The following FYN variants were observed in gnomAD, a reference collection of about 807,000 sequenced individuals.
The protein encoded by FYN is tyrosine-protein kinase Fyn.
A neutral mutation model predicts 70.2 loss-of-function variants in FYN; 10 were observed. The observed-to-expected ratio is 0.14, with a 90% CI of 0.09 to 0.24. FYN has a LOEUF of 0.24. Among genes scored for constraint, FYN ranks in the 10% least tolerant of loss-of-function variants. FYN has a pLI of 1.00. For missense variants in FYN, 319 were observed against 673.1 expected (o/e 0.47, Z 5.82); for synonymous variants, 236 against 248.6 (o/e 0.95, Z 0.48).
At chr6:111,859,031 A>AT (rs1773893166) in intron 1 of FYN, among the ~76,000 whole-genome samples, 1 of 151,986 alleles carries the variant, frequency 6.6e-6, no homozygotes, top group African/African-American at 2.4e-5. Flanking sequence ...CCACCCCTGC[A>AT]TCAGCATCAT....
intron 2 of FYN, among the ~76,000 whole-genome samples, chr6:111,802,649 G>C (rs1772025787): frequency 6.6e-6 from 1 of 151,830 alleles, no homozygotes; most frequent in African/African-American, 2.4e-5. Flanking sequence ...GGCTGGTCTC[G>C]AACTCCTGAC....
intron 2 of FYN, among the ~76,000 whole-genome samples, chr6:111,831,909 G>A (rs908681208): frequency 6.6e-6 from 1 of 152,136 alleles, no homozygotes; most frequent in African/African-American, 2.4e-5. Flanking sequence ...GAGAGAGGGA[G>A]GAAGAAAGAA....
At chr6:111,787,661 T>C (rs955069402) in intron 2 of FYN, among the ~76,000 whole-genome samples, 2 of 152,210 alleles carry the variant, frequency 1.3e-5, no homozygotes, top group African/African-American at 4.8e-5. Context: ...CTGAATAAAT[T>C]AATGGGTCTC....
At chr6:111,738,951 C>T (rs1384657124) in intron 3 of FYN, among the ~76,000 whole-genome samples, 1 of 152,000 alleles carries the variant, frequency 6.6e-6, no homozygotes, top group Non-Finnish European at 1.5e-5. Flanking sequence ...TCTGTTCTCC[C>T]TAATGAAAGT....
chr6:111,700,204 G>A lies in FYN; in HGVS notation c.762C>T (p.Thr254=), dbSNP rs768403035. The A allele has an allele frequency of 5.6e-6, 9 of 1,613,962 alleles. No individual in the cohort carries two copies. The Admixed American group carries it at 1.3e-4, about 24-fold the overall frequency. Reference sequence around the variant, plus strand: ...CATCTTTGGTTTTGACAGACAGATCGGTAAGCCTTGGCATCCCTTTGTGAC... The same window carrying A: ...CATCTTTGGTTTTGACAGACAGATCAGTAAGCCTTGGCATCCCTTTGTGAC... ...VPCHKGMPRL[T]DLSVKTKDVW... is the part of the protein sequence containing the mutation. Residue 254 remains threonine (T), a synonymous_variant, in exon 9 of 14, where the codon ACC becomes ACT. Transcript: ENST00000354650.
intron 2 of FYN, among the ~76,000 whole-genome samples, chr6:111,786,079 C>T (rs1318212899): frequency 6.6e-6 from 1 of 150,790 alleles, no homozygotes; most frequent in Non-Finnish European, 1.5e-5. Flanking sequence ...TTTTATTATA[C>T]TTTAAGTTCT....
At chr6:111,790,281 CA>C (rs1322159446) in intron 2 of FYN, among the ~76,000 whole-genome samples, 10 of 151,166 alleles carry the variant, frequency 6.6e-5, no homozygotes, top group Non-Finnish European at 1.2e-4. Flanking sequence ...CACACACACA[CA>C]CACACACACA....
At chr6:111,730,585 G>C (rs985245983) in intron 3 of FYN, among the ~76,000 whole-genome samples, 3 of 152,146 alleles carry the variant, frequency 2.0e-5, no homozygotes, top group African/African-American at 7.2e-5. Context: ...AGGGAAGGGG[G>C]CCTGCCCTCG....
intron 5 of FYN, among the ~76,000 whole-genome samples, chr6:111,708,434 C>T (rs933011765): frequency 6.6e-6 from 1 of 152,096 alleles, no homozygotes; most frequent in East Asian, 1.9e-4. Context: ...ATGAGCTGCA[C>T]AGTACTGCTT....
chr6:111,694,289 G>A lies in FYN; in HGVS notation c.1273+86C>T, dbSNP rs1187602171. On this transcript the variant is annotated intron_variant, in intron 12 of 13. Coordinates refer to ENST00000354650, the MANE Select transcript of FYN (RefSeq NM_002037.5). This position sits in a 1 kb window ranked among gnomAD's most constrained non-coding sequence, Gnocchi z 5.0. ...ACATTTCAAGTATTTTCTGAAGGAA[G>A]GGAAGGGAAGGAGGAAGGAAGGGCT... 2.0e-6 allele frequency: 3 copies of A among 1,489,380 alleles called. No individual in the cohort carries two copies. The highest frequency in any genetic ancestry group is 1.8e-5 in the Admixed American group (1 of 56,234). The allele number at this position is 1,489,380 out of a possible 1,614,324, so 92.3% of individuals were successfully genotyped here.
intron 3 of FYN, among the ~76,000 whole-genome samples, chr6:111,773,132 ATGC>A (rs1380388736): frequency 4.0e-5 from 6 of 150,422 alleles, no homozygotes; most frequent in Non-Finnish European, 7.4e-5. Flanking sequence ...AATAAAGCAA[ATGC>A]TGCAAATGTA....
At chr6:111,762,883 G>A (rs1294732884) in intron 3 of FYN, among the ~76,000 whole-genome samples, 1 of 151,930 alleles carries the variant, frequency 6.6e-6, no homozygotes, top group Admixed American at 6.6e-5. Flanking sequence ...TCAAATGGCT[G>A]GACACGGGTG....
intron 1 of FYN, among the ~76,000 whole-genome samples, chr6:111,855,519 T>C (rs1017710380): frequency 1.2e-4 from 18 of 152,208 alleles, no homozygotes; most frequent in African/African-American, 3.9e-4. Flanking sequence ...TAGTTATATA[T>C]ACCCAATTAG....
At chr6:111,808,034 GAA>G (rs1189262074) in intron 2 of FYN, among the ~76,000 whole-genome samples, 4 of 152,242 alleles carry the variant, frequency 2.6e-5, no homozygotes, top group African/African-American at 9.6e-5. Flanking sequence ...CTTGAACCTG[GAA>G]GGCGGAGGTT....
At chr6:111,861,056 G>C (rs1204382433) in intron 1 of FYN, among the ~76,000 whole-genome samples, 1 of 152,174 alleles carries the variant, frequency 6.6e-6, no homozygotes, top group Non-Finnish European at 1.5e-5. Flanking sequence ...ATGACTCCAA[G>C]GATCCATCAG....
chr6:111,672,081 C>T (rs1437837282), intron 13 of FYN, among the ~76,000 whole-genome samples: 4 of 152,176 alleles, frequency 2.6e-5, no homozygotes, highest in Non-Finnish European at 5.9e-5. Context: ...ACCAGCAAGG[C>T]CCCAACGCAG....
At chr6:111,849,590 A>AC (rs1773628674) in intron 1 of FYN, among the ~76,000 whole-genome samples, 1 of 152,218 alleles carries the variant, frequency 6.6e-6, no homozygotes, top group African/African-American at 2.4e-5. Flanking sequence ...AAAGGTGGGA[A>AC]GTAAGGCAGA....
chr6:111,669,456 A>G (rs1411389736), intron 13 of FYN, among the ~76,000 whole-genome samples: 1 of 151,422 alleles, frequency 6.6e-6, no homozygotes, highest in African/African-American at 2.4e-5. Context: ...AAAAAAAAAA[A>G]AAAAGAAAGT....
At chr6:111,812,215 G>A (rs1772347023) in intron 2 of FYN, among the ~76,000 whole-genome samples, 3 of 152,204 alleles carry the variant, frequency 2.0e-5, no homozygotes, top group Admixed American at 6.5e-5. Flanking sequence ...GAGGGCACTC[G>A]GAAGAACAGG....
Sources: gnomAD v4.1 joint callset for allele counts (sites outside exome capture counted in the v4.1 genomes callset) on GRCh38, gnomAD v4.1.1 for gene constraint, Gnocchi (gnomAD v3.1) non-coding constraint, MANE v1.5 for transcripts, NCBI Gene and HGNC (gene_info 2026-07-23, HGNC 2026-07-21) for gene names.